CORO7: variants seen among roughly 807,000 people sequenced by gnomAD.
CORO7 encodes coronin 7, also known as coronin-7.
CORO7 carries 107 observed loss-of-function variants against 126.6 expected under a neutral mutation model. The ratio of observed to expected loss-of-function variants is 0.85; its 90% CI spans 0.72 to 0.99. CORO7 has a LOEUF of 0.99. Ranked by LOEUF, CORO7 falls within the 50% of genes least tolerant of loss-of-function variation. The pLI is 0.00. For missense variants in CORO7, 1,314 were observed against 1,255.8 expected, an observed-to-expected ratio of 1.05 and a Z score of -0.70; for synonymous variants, 603 against 536.8, an observed-to-expected ratio of 1.12 and a Z score of -1.70.
rs74535829 is a variant in CORO7 at position 4,393,567 on chromosome 16, C to A, written c.615+1722G>T. ...TGCAATCTTCCATGTGACTGGGTTT[C>A]TCTCCTGAGTCTTGTGTGTGTAGGG... On this transcript the variant is annotated intron_variant, in intron 7 of 27. Coordinates refer to ENST00000251166, the MANE Select transcript of CORO7 (RefSeq NM_024535.5). 8.3e-3 allele frequency among the ~76,000 whole-genome samples: 1,265 copies of A among 152,320 alleles called. 14 individuals are homozygous for A. Among genetic ancestry groups the A allele is most frequent in the Middle Eastern group, 0.031 (9 of 294 alleles).
At chr16:4,358,169 T>C (rs1001102445) in intron 24 of CORO7, 66 bp from the exon 25 acceptor site, 1 of 1,575,372 alleles carries the variant, frequency 6.3e-7, no homozygotes, top group African/African-American at 1.3e-5. Context: ...GGGCATCTGT[T>C]GGGGAGGGAC....
intron 5 of CORO7, among the ~76,000 whole-genome samples, chr16:4,407,147 C>A (rs1267023053): frequency 6.8e-6 from 1 of 147,100 alleles, no homozygotes. Context: ...GGGGTTTTGC[C>A]ATGTTGGCCA....
chr16:4,364,358 C>T lies in CORO7; in HGVS notation c.1193G>A (p.Cys398Tyr), dbSNP rs766490787. ...ACRPHPSFTS[C>Y]LVPPAEPLPD... ...GAGGGGCTCCGCAGGGGGCACCAGA[C>T]AGGAAGTGAAGCTCGGGTGGGGCCG... The change falls in exon 14 of 28, where the codon TGT (cysteine) becomes TAT (tyrosine). Residue 398 changes from cysteine to tyrosine, a missense_variant. Physicochemically the swap from Cys to Tyr is radical, Grantham distance 194. Coordinates refer to ENST00000251166, the MANE Select transcript of CORO7 (RefSeq NM_024535.5). 23 of 1,523,940 alleles carry T rather than the reference C, an allele frequency of 1.5e-5. No homozygotes were observed. The highest frequency in any genetic ancestry group is 2.0e-5 in the Non-Finnish European group (23 of 1,138,842). The allele number at this position is 1,523,940 out of a possible 1,614,324, so 94.4% of individuals were successfully genotyped here.
chr16:4,389,294 CT>C (rs1470170503), intron 7 of CORO7, among the ~76,000 whole-genome samples: 2 of 152,194 alleles, frequency 1.3e-5, no homozygotes, highest in African/African-American at 4.8e-5. Context: ...GAGAGGGAAG[CT>C]CACATGGTGG....
intron 6 of CORO7, among the ~76,000 whole-genome samples, chr16:4,399,501 C>A (rs1254728580): frequency 6.6e-6 from 1 of 152,060 alleles, no homozygotes; most frequent in Non-Finnish European, 1.5e-5. Context: ...GGAGGTAGGG[C>A]AAAGGGGAAC....
intron 6 of CORO7, chr16:4,397,248 G>C (rs1295874348): frequency 1.3e-5 from 2 of 151,416 alleles, no homozygotes. Context: ...TTCGAGACCA[G>C]TCTGGCCAAT....
intron 9 of CORO7, among the ~76,000 whole-genome samples, chr16:4,384,863 C>T (rs1464213912): frequency 2.6e-5 from 4 of 152,062 alleles, no homozygotes; most frequent in African/African-American, 4.8e-5. Flanking sequence ...GTGGCTGCAT[C>T]GTCAAAGGGG....
chr16:4,401,331 C>T (rs527411718), intron 6 of CORO7, among the ~76,000 whole-genome samples: 123 of 152,358 alleles, frequency 8.1e-4, no homozygotes, highest in Middle Eastern at 6.8e-3. Context: ...TGGGCACACG[C>T]ATGGCTGGCA....
intron 6 of CORO7, among the ~76,000 whole-genome samples, chr16:4,402,588 C>T (rs2055851387): frequency 6.6e-6 from 1 of 152,176 alleles, no homozygotes; most frequent in African/African-American, 2.4e-5. Flanking sequence ...ACAGCGCCAC[C>T]CCTGGGCAGG....
chr16:4,359,280 G>GC lies in CORO7; in HGVS notation c.2340+15dup. 6.3e-7 allele frequency: 1 copy of GC among 1,587,016 alleles called. No individual in the cohort carries two copies. The highest frequency in any genetic ancestry group is 8.6e-7 in the Non-Finnish European group (1 of 1,167,918). ...CTTGTGGTCCCATCGGGGACGAGGC[G>GC]CCAGGGTGGCCTCACCTTGTGGGGG... is the stretch of plus-strand genomic sequence containing the variant. On this transcript the variant is annotated intron_variant, in intron 23 of 27. Coordinates refer to ENST00000251166, the MANE Select transcript of CORO7 (RefSeq NM_024535.5).
chr16:4,395,616 CA>C (rs1204729591), intron 6 of CORO7, among the ~76,000 whole-genome samples: 2 of 152,228 alleles, frequency 1.3e-5, no homozygotes, highest in African/African-American at 2.4e-5. Flanking sequence ...TGCTCCACGT[CA>C]GGCATCCCAG....
At chr16:4,415,390 A>C (rs73509385) in intron 1 of CORO7, among the ~76,000 whole-genome samples, 239 of 152,130 alleles carry the variant, frequency 1.6e-3, no homozygotes, top group African/African-American at 5.5e-3. Context: ...TGACCACGCT[A>C]CTGAGACTGG....
chr16:4,367,377 T>C (rs537829060), intron 9 of CORO7, among the ~76,000 whole-genome samples: 12 of 152,346 alleles, frequency 7.9e-5, no homozygotes, highest in Admixed American at 2.0e-4. Flanking sequence ...GGGCTTTCAC[T>C]CATTCATTCG....
intron 23 of CORO7, chr16:4,359,079 G>T (rs1374305145): frequency 1.3e-5 from 8 of 610,842 alleles, no homozygotes; most frequent in African/African-American, 3.8e-5. Flanking sequence ...CCTACAGTAT[G>T]ATTTTTAATA....
chr16:4,416,319 G>T, intron 1 of CORO7, 140 bp downstream of exon 1: 2 of 1,231,932 alleles, frequency 1.6e-6, no homozygotes, highest in Non-Finnish European at 2.1e-6. Flanking sequence ...CGGGGCCCTG[G>T]CCTGAAGGGG....
At chr16:4,406,295 C>T (rs1224503006) in intron 5 of CORO7, among the ~76,000 whole-genome samples, 3 of 151,852 alleles carry the variant, frequency 2.0e-5, no homozygotes, top group South Asian at 2.1e-4. Context: ...CCACCGTGCC[C>T]GGCCTATTAT....
intron 7 of CORO7, among the ~76,000 whole-genome samples, chr16:4,390,583 C>T (rs1346711764): frequency 2.0e-5 from 3 of 152,168 alleles, no homozygotes; most frequent in Non-Finnish European, 2.9e-5. Context: ...CAGGTGGGGA[C>T]GAGGGAGGCG....
intron 1 of CORO7, among the ~76,000 whole-genome samples, chr16:4,416,170 G>A (rs948679201): frequency 1.3e-5 from 2 of 152,118 alleles, no homozygotes; most frequent in African/African-American, 2.4e-5. Flanking sequence ...CCTGGGCCCC[G>A]GCTAGGAGGG....
chr16:4,405,394 G>T lies in CORO7; in HGVS notation c.564+97C>A, dbSNP rs975697500. On this transcript the variant is annotated intron_variant, in intron 6 of 27. Transcript: ENST00000251166. ...ACCATCCTGACCTCAGTGCTCCACT[G>T]CCTCCTAAACAACAAGCCTGGAAGG... is the stretch of plus-strand genomic sequence containing the variant. 20 of 1,378,732 alleles carry T rather than the reference G, an allele frequency of 1.5e-5. No individual in the cohort carries two copies. The Admixed American group carries it at 4.2e-4, about 29-fold the overall frequency. The allele number at this position is 1,378,732 out of a possible 1,614,324, so 85.4% of individuals were successfully genotyped here. A position where few individuals can be genotyped will look rare whatever the true frequency, so the allele number is the denominator to read the frequency against.
Sources: gnomAD v4.1 joint callset for allele counts (sites outside exome capture counted in the v4.1 genomes callset) on GRCh38, gnomAD v4.1.1 for gene constraint, MANE v1.5 for transcripts, NCBI Gene and HGNC (gene_info 2026-07-23, HGNC 2026-07-21) for gene names.